The following EYS variants were observed in gnomAD, a reference collection of about 807,000 sequenced individuals.
The protein encoded by EYS is EGF-like photoreceptor maintenance factor, also known as protein eyes shut homolog.
Under a neutral mutation model 282.1 loss-of-function variants are expected in EYS, and 250 were observed. That is an observed-to-expected ratio of 0.89 (90% CI 0.80 to 0.98). EYS has a LOEUF of 0.98. Ranked by LOEUF, EYS falls within the 50% of genes least tolerant of loss-of-function variation. EYS has a pLI of 0.00. For missense variants in EYS, 4,016 were observed against 3,709.0 expected (o/e 1.08, Z -2.15); for synonymous variants, 1,355 against 1,282.9 (o/e 1.06, Z -1.20).
At chr6:64,318,504 C>T (rs917414294) in intron 29 of EYS, among the ~76,000 whole-genome samples, 5 of 151,958 alleles carry the variant, frequency 3.3e-5, no homozygotes, top group Non-Finnish European at 7.4e-5. Context: ...AAACACATCA[C>T]AATTTTTTAA....
chr6:65,510,722 AT>A (rs1766835708), intron 2 of EYS, among the ~76,000 whole-genome samples: 2 of 152,158 alleles, frequency 1.3e-5, no homozygotes, highest in Admixed American at 6.5e-5. Context: ...ATTTTCAGTG[AT>A]TAAGACTTGA....
At chr6:64,928,309 T>C (rs1328678859) in intron 15 of EYS, among the ~76,000 whole-genome samples, 1 of 152,068 alleles carries the variant, frequency 6.6e-6, no homozygotes, top group Non-Finnish European at 1.5e-5. Flanking sequence ...AAAAAGAAAA[T>C]ACAGATTTTG....
At chr6:64,593,438 C>G in intron 24 of EYS, 129 bp from the exon 25 acceptor site, 2 of 617,506 alleles carry the variant, frequency 3.2e-6, no homozygotes, top group Admixed American at 4.0e-5. Flanking sequence ...AAATATTTTA[C>G]TTGAAAATTA....
intron 35 of EYS, among the ~76,000 whole-genome samples, chr6:63,962,496 A>T (rs1562119232): frequency 6.6e-6 from 1 of 152,340 alleles, no homozygotes. Context: ...GCAGCCAAAA[A>T]ACACATGAAA....
chr6:65,013,634 G>A (rs1054891745), intron 13 of EYS, among the ~76,000 whole-genome samples: 3 of 152,162 alleles, frequency 2.0e-5, no homozygotes, highest in Non-Finnish European at 4.4e-5. Flanking sequence ...CCAGGACTTT[G>A]GGAGGCCAAG....
At chr6:64,157,276 C>A (rs1419323500) in intron 31 of EYS, among the ~76,000 whole-genome samples, 1 of 152,026 alleles carries the variant, frequency 6.6e-6, no homozygotes, top group Non-Finnish European at 1.5e-5. Flanking sequence ...TCCACATTTT[C>A]TTAATCCAGT....
At position 65,080,210 on chromosome 6, in the gene EYS, C is replaced by T. The variant is rs79676082; in HGVS notation, c.2024-22483G>A. Among the ~76,000 whole-genome samples the T allele has an allele frequency of 5.9e-3, 905 of 152,114 alleles. 7 individuals carry two copies. The highest frequency in any genetic ancestry group is 0.024 in the Middle Eastern group (7 of 294). On this transcript the variant is annotated intron_variant, in intron 12 of 42. Coordinates refer to ENST00000503581, the MANE Select transcript of EYS (RefSeq NM_001142800.2). ...GAGGGAAGGAGCCCTCGACAGAACA[C>T]GCCCAGAGTTACAAGTTGTCCTCAG...
intron 19 of EYS, among the ~76,000 whole-genome samples, chr6:64,827,893 A>G (rs1005447807): frequency 2.0e-5 from 3 of 151,440 alleles, no homozygotes; most frequent in African/African-American, 7.3e-5. Context: ...ATGAAATGTA[A>G]AAAAAATCCA....
chr6:64,867,452 A>G (rs1175297759), intron 19 of EYS, among the ~76,000 whole-genome samples: 5 of 151,730 alleles, frequency 3.3e-5, no homozygotes, highest in Admixed American at 3.3e-4. Context: ...CAAACATTCT[A>G]TCTTTTTCCT....
intron 22 of EYS, among the ~76,000 whole-genome samples, chr6:64,798,607 G>GTTTTTTT (rs57597318): frequency 1.9e-5 from 2 of 106,810 alleles, no homozygotes; most frequent in Non-Finnish European, 3.7e-5. Flanking sequence ...TTTGTTTCTG[G>GTTTTTTT]TTTTTTTTTT....
chr6:64,331,027 T>C (rs1770628697), intron 29 of EYS, among the ~76,000 whole-genome samples: 1 of 152,186 alleles, frequency 6.6e-6, no homozygotes, highest in Non-Finnish European at 1.5e-5. Context: ...AGCAGCTTCA[T>C]ATCTGAAGGT....
At chr6:63,935,284 G>A (rs115275718) in intron 35 of EYS, among the ~76,000 whole-genome samples, 3,336 of 152,230 alleles carry the variant, frequency 0.022, 106 homozygotes, top group African/African-American at 0.073. Context: ...TTCATTAGAC[G>A]AATGAATAAA....
intron 2 of EYS, among the ~76,000 whole-genome samples, chr6:65,545,006 A>C (rs1768329000): frequency 6.6e-6 from 1 of 152,152 alleles, no homozygotes; most frequent in Non-Finnish European, 1.5e-5. Context: ...AAAAGTATTA[A>C]GGCAGTTACT....
At chr6:64,937,278 G>T (rs1217266832) in intron 15 of EYS, among the ~76,000 whole-genome samples, 4 of 151,396 alleles carry the variant, frequency 2.6e-5, no homozygotes, top group African/African-American at 9.7e-5. Context: ...AGCAAAAGTG[G>T]CAAAAGAAAA....
intron 31 of EYS, among the ~76,000 whole-genome samples, chr6:64,159,053 T>C (rs903500562): frequency 6.6e-6 from 1 of 152,182 alleles, no homozygotes; most frequent in African/African-American, 2.4e-5. Flanking sequence ...CAGTTGTTCA[T>C]TGGCATCTAT....
At chr6:64,340,664 G>C (rs1055639346) in intron 29 of EYS, among the ~76,000 whole-genome samples, 1 of 151,728 alleles carries the variant, frequency 6.6e-6, no homozygotes, top group African/African-American at 2.4e-5. Flanking sequence ...CCTTGGCAAA[G>C]AATTTATGGC....
intron 12 of EYS, among the ~76,000 whole-genome samples, chr6:65,100,200 T>C (rs947577832): frequency 6.6e-5 from 10 of 150,854 alleles, no homozygotes; most frequent in Non-Finnish European, 1.5e-5. Flanking sequence ...ATAACAGCAT[T>C]CTGAAAAATA....
Position 63,958,409 on chromosome 6 carries a change from G to A in EYS, c.7055+25974C>T, listed in dbSNP as rs777427063. Among the ~76,000 whole-genome samples the A allele has an allele frequency of 1.1e-4, 11 of 96,116 alleles. 2 individuals carry two copies. Among genetic ancestry groups the A allele is most frequent in the Non-Finnish European group, 3.1e-4 (11 of 35,584 alleles). The allele number at this position is 96,116 out of a possible 152,430, so 63.1% of individuals were successfully genotyped here. On this transcript the variant is annotated intron_variant, in intron 35 of 42. Transcript: ENST00000503581. ...GAGGAAGGAGGCCTATGTTACACGA[G>A]GTTTGCTATGGTTTGAATGTTTGTG...
chr6:64,532,722 TA>T (rs932092112), intron 26 of EYS, among the ~76,000 whole-genome samples: 1 of 151,960 alleles, frequency 6.6e-6, no homozygotes, highest in Non-Finnish European at 1.5e-5. Context: ...AATAAATAAA[TA>T]AATTAAATTA....
Sources: gnomAD v4.1 joint callset for allele counts (sites outside exome capture counted in the v4.1 genomes callset) on GRCh38, gnomAD v4.1.1 for gene constraint, MANE v1.5 for transcripts, NCBI Gene and HGNC (gene_info 2026-07-23, HGNC 2026-07-21) for gene names.